Variants in GRAP2 observed in about 807,000 individuals in gnomAD.
GRAP2 encodes the protein GRB2-related adapter protein 2.
GRAP2 carries 31 observed loss-of-function variants against 43.5 expected under a neutral mutation model. The observed-to-expected ratio is 0.71, with a 90% CI of 0.54 to 0.96. The LOEUF (loss-of-function observed/expected upper bound fraction) is 0.96. Ranked by LOEUF, GRAP2 falls within the 40% of genes least tolerant of loss-of-function variation. The pLI, the probability that GRAP2 is intolerant of heterozygous loss-of-function variation, is 0.00. For missense variants in GRAP2, 371 were observed against 424.4 expected, an observed-to-expected ratio of 0.87 and a Z score of 1.11; for synonymous variants, 156 against 164.8, an observed-to-expected ratio of 0.95 and a Z score of 0.41.
At chr22:39,923,696 AAAC>A (rs2066673292) in intron 1 of GRAP2, among the ~76,000 whole-genome samples, 1 of 152,144 alleles carries the variant, frequency 6.6e-6, no homozygotes, top group African/African-American at 2.4e-5. Flanking sequence ...AAGAAAAGGA[AAAC>A]AACAAACAAA....
At chr22:39,969,353 G>A (rs1872765411) in intron 6 of GRAP2, 58 bp from the exon 7 acceptor site, 5 of 1,603,088 alleles carry the variant, frequency 3.1e-6, no homozygotes, top group South Asian at 2.2e-5. Flanking sequence ...GGCACTGGGG[G>A]AACCGGTGGG....
At chr22:39,907,518 C>CA (rs1322452274) in intron 1 of GRAP2, among the ~76,000 whole-genome samples, 1 of 152,156 alleles carries the variant, frequency 6.6e-6, no homozygotes, top group Non-Finnish European at 1.5e-5. Flanking sequence ...GGGAGGATTG[C>CA]TTGAGCGCAG....
intron 1 of GRAP2, among the ~76,000 whole-genome samples, chr22:39,935,459 A>G (rs2066797415): frequency 6.6e-6 from 1 of 152,228 alleles, no homozygotes; most frequent in Admixed American, 6.5e-5. Flanking sequence ...TATTTTAAAC[A>G]AGACAAATAC....
At chr22:39,918,354 C>T (rs1219522794) in intron 1 of GRAP2, among the ~76,000 whole-genome samples, 3 of 152,142 alleles carry the variant, frequency 2.0e-5, no homozygotes, top group East Asian at 1.9e-4. Context: ...GTTATCATTT[C>T]GAGTTCATTG....
chr22:39,961,664 GATCGCAAGTCACGT>G (rs1436160411), intron 4 of GRAP2, among the ~76,000 whole-genome samples: 7 of 152,182 alleles, frequency 4.6e-5, no homozygotes, highest in Non-Finnish European at 1.0e-4. Context: ...GCATGTTGAG[GATCGCAAGTCACGT>G]ATCAGACTTC....
intron 1 of GRAP2, among the ~76,000 whole-genome samples, chr22:39,928,474 T>A (rs544958604): frequency 6.6e-6 from 1 of 152,226 alleles, no homozygotes; most frequent in Non-Finnish European, 1.5e-5. Context: ...TGATTCTGCT[T>A]TTAAGGAACG....
At chr22:39,947,034 C>T (rs539180459) in intron 1 of GRAP2, 59 bp from the exon 2 acceptor site, 18 of 950,940 alleles carry the variant, frequency 1.9e-5, no homozygotes, top group Middle Eastern at 2.1e-4. Context: ...GAAGCACCAT[C>T]GGCTCTGCTG....
At chr22:39,912,497 G>A (rs895062023) in intron 1 of GRAP2, among the ~76,000 whole-genome samples, 1 of 152,172 alleles carries the variant, frequency 6.6e-6, no homozygotes, top group African/African-American at 2.4e-5. Context: ...GGGACATTTG[G>A]CAATGCCAGG....
chr22:39,912,332 C>A (rs1164745106), intron 1 of GRAP2, among the ~76,000 whole-genome samples: 1 of 152,176 alleles, frequency 6.6e-6, no homozygotes, highest in Non-Finnish European at 1.5e-5. Context: ...GCAGGAGGAT[C>A]ACTTGAGCCC....
chr22:39,912,717 A>G (rs1437121608), intron 1 of GRAP2, among the ~76,000 whole-genome samples: 1 of 152,218 alleles, frequency 6.6e-6, no homozygotes, highest in Non-Finnish European at 1.5e-5. Flanking sequence ...GCCACAGGAA[A>G]ATAGAGTCAC....
At chr22:39,915,233 A>G (rs1030174044) in intron 1 of GRAP2, among the ~76,000 whole-genome samples, 6 of 151,876 alleles carry the variant, frequency 4.0e-5, no homozygotes, top group African/African-American at 1.2e-4. Flanking sequence ...ATAAATAAAT[A>G]AAATCATTTT....
rs2066799968 is a variant in GRAP2 at position 39,935,713 on chromosome 22, A to G, written c.-14-11380A>G. ...AAGCTTTGAGATCAGTGAGCTGAAA[A>G]AATGACCAGCATTCCAACAACAAAT... On this transcript the variant is annotated intron_variant, in intron 1 of 7. Transcript: ENST00000344138. Among the ~76,000 whole-genome samples, 3 of 152,198 alleles carry G rather than the reference A, an allele frequency of 2.0e-5. 1 individual carries two copies. The South Asian group carries it at 6.2e-4, about 32-fold the overall frequency.
At chr22:39,911,622 G>T (rs2066567224) in intron 1 of GRAP2, among the ~76,000 whole-genome samples, 1 of 152,036 alleles carries the variant, frequency 6.6e-6, no homozygotes, top group African/African-American at 2.4e-5. Context: ...CCTGAGAGCA[G>T]TTTTTTTGTT....
chr22:39,936,728 C>T lies in GRAP2; in HGVS notation c.-14-10365C>T, dbSNP rs1433846371. ...AGAGAGACAGGGTGGTGGGGGGGACCGGCAGAAGAAAAGGAAAAGAGCGAC... is the reference window on the plus strand; with the variant it reads ...AGAGAGACAGGGTGGTGGGGGGGACTGGCAGAAGAAAAGGAAAAGAGCGAC... On this transcript the variant is annotated intron_variant, in intron 1 of 7. Coordinates refer to ENST00000344138, the MANE Select transcript of GRAP2 (RefSeq NM_004810.4). Among the ~76,000 whole-genome samples the T allele has an allele frequency of 4.0e-5, 6 of 151,838 alleles. No individual in the cohort carries two copies. The East Asian group carries it at 5.8e-4, about 15-fold the overall frequency.
intron 1 of GRAP2, among the ~76,000 whole-genome samples, chr22:39,939,991 G>C (rs541653246): frequency 6.6e-6 from 1 of 152,106 alleles, no homozygotes; most frequent in African/African-American, 2.4e-5. Flanking sequence ...AAGCACTGGT[G>C]GGGGGCCCAG....
chr22:39,913,192 CAAAAAAAAA>C (rs397868164), intron 1 of GRAP2, among the ~76,000 whole-genome samples: 5 of 62,382 alleles, frequency 8.0e-5, no homozygotes, highest in African/African-American at 2.0e-4. Flanking sequence ...GACTCCATCT[CAAAAAAAAA>C]AAAAAAAAAA....
At chr22:39,913,192 CA>C (rs397868164) in intron 1 of GRAP2, among the ~76,000 whole-genome samples, 2,396 of 62,332 alleles carry the variant, frequency 0.038, 14 homozygotes, top group Non-Finnish European at 0.055. Context: ...GACTCCATCT[CA>C]AAAAAAAAAA....
intron 1 of GRAP2, among the ~76,000 whole-genome samples, chr22:39,904,284 A>G (rs1364424868): frequency 2.6e-5 from 4 of 152,216 alleles, no homozygotes; most frequent in Non-Finnish European, 5.9e-5. Flanking sequence ...GCTACTTGGG[A>G]GACTGAGGCA....
chr22:39,919,439 G>GT (rs1404685807), intron 1 of GRAP2, among the ~76,000 whole-genome samples: 3 of 152,154 alleles, frequency 2.0e-5, no homozygotes, highest in Non-Finnish European at 4.4e-5. Flanking sequence ...ATTAGACCCT[G>GT]TTTTTTATTT....
Sources: allele counts gnomAD v4.1 joint callset (sites outside exome capture counted in the v4.1 genomes callset), GRCh38; gene constraint gnomAD v4.1.1; transcripts MANE v1.5; gene names NCBI Gene and HGNC (gene_info 2026-07-23, HGNC 2026-07-21).